FABP1: variants seen among roughly 807,000 people sequenced by gnomAD.
FABP1 encodes the protein fatty acid binding protein 1, also known as fatty acid-binding protein, liver.
A neutral mutation model predicts 13.7 loss-of-function variants in FABP1; 13 were observed. The ratio of observed to expected loss-of-function variants is 0.95; its 90% CI spans 0.62 to 1.51. The LOEUF (loss-of-function observed/expected upper bound fraction) is 1.51, where lower values mean the gene tolerates loss of function less well. Among genes scored for constraint, FABP1 ranks in the 40% most tolerant of loss-of-function variants. The pLI, the probability that FABP1 is intolerant of heterozygous loss-of-function variation, is 0.00. For synonymous variants in FABP1, 48 were observed against 59.8 expected (o/e 0.80, Z 0.91); for missense variants, 140 against 155.7 (o/e 0.90, Z 0.54).
intron 3 of FABP1, 108 bp downstream of exon 3, chr2:88,124,386 T>G (rs368175665): frequency 2.8e-6 from 2 of 721,990 alleles, no homozygotes; most frequent in Non-Finnish European, 4.7e-6. Context: ...AGTTTGGGGG[T>G]TGGAGGGTGG....
chr2:88,124,964 T>C (rs1223378675), intron 2 of FABP1, among the ~76,000 whole-genome samples: 2 of 136,046 alleles, frequency 1.5e-5, no homozygotes, highest in African/African-American at 5.5e-5. Context: ...TGCTTTGGTA[T>C]GTATTCTTCT....
intron 1 of FABP1, among the ~76,000 whole-genome samples, chr2:88,126,959 T>G (rs2104037851): frequency 6.6e-6 from 1 of 152,208 alleles, no homozygotes; most frequent in African/African-American, 2.4e-5. Flanking sequence ...GGGTGGACAG[T>G]GAGCACAGAG....
intron 3 of FABP1, chr2:88,123,704 G>C (rs537568949): frequency 6.6e-6 from 1 of 152,428 alleles, no homozygotes; most frequent in Non-Finnish European, 1.5e-5. Context: ...CTGCTTGATG[G>C]GTTTGAGCCC....
chr2:88,125,861 T>G (rs1675286603), intron 2 of FABP1: 1 of 240,004 alleles, frequency 4.2e-6, no homozygotes, highest in Admixed American at 5.0e-5. Context: ...GGACTCTTAG[T>G]GCTAGGAGCA....
At chr2:88,126,031 C>A in intron 2 of FABP1, 145 bp downstream of exon 2, 6 of 826,610 alleles carry the variant, frequency 7.3e-6, no homozygotes, top group Non-Finnish European at 3.8e-6. Flanking sequence ...CTAAGAGCTG[C>A]CTTTGTCTCT....
intron 3 of FABP1, chr2:88,123,588 G>A (rs1023404014): frequency 2.0e-5 from 3 of 153,428 alleles, no homozygotes; most frequent in East Asian, 1.9e-4. Context: ...TTTTAAGGAT[G>A]TTTCCTCCAC....
chr2:88,126,198 G>A lies in FABP1; in HGVS notation c.218C>T (p.Thr73Ile). 1 of 1,609,036 alleles carries A rather than the reference G, an allele frequency of 6.2e-7. No homozygotes were observed. Among genetic ancestry groups the A allele is most frequent in the Non-Finnish European group, 8.5e-7 (1 of 1,176,116 alleles). ...TACCTTGACTTTCTCCCCTGTCATT[G>A]TCTCCAGCTCACATTCCTCCCCCAC... ...FTVGEECELE[T>I]MTGEKVKTVV... The change falls in exon 2 of 4, where the codon ACA becomes ATA. Residue 73 changes from threonine to isoleucine, a missense_variant. Coordinates refer to ENST00000295834, the MANE Select transcript of FABP1 (RefSeq NM_001443.3).
intron 1 of FABP1, 26 bp from the exon 2 acceptor site, chr2:88,126,374 A>G: frequency 6.2e-7 from 1 of 1,606,924 alleles, no homozygotes; most frequent in Non-Finnish European, 8.5e-7. Flanking sequence ...TGAGGTTTAG[A>G]TATGGGCAGA....
intron 3 of FABP1, chr2:88,124,145 T>C: frequency 4.5e-6 from 1 of 223,566 alleles, no homozygotes; most frequent in Non-Finnish European, 8.6e-6. Flanking sequence ...ACTGCATAAC[T>C]GGACTGTGCC....
rs1367460039 is a variant in FABP1 at position 88,126,221 on chromosome 2, C to G, written c.195G>C (p.Val65=). ...GSKVIQNEFT[V]GEECELETMT... ...TTGTCTCCAGCTCACATTCCTCCCCCACCGTGAATTCGTTTTGGATCACTT... is the reference window on the plus strand; with the variant it reads ...TTGTCTCCAGCTCACATTCCTCCCCGACCGTGAATTCGTTTTGGATCACTT... The change falls in exon 2 of 4, where the codon GTG becomes GTC. Residue 65 remains valine, a synonymous_variant. Coordinates refer to ENST00000295834, the MANE Select transcript of FABP1 (RefSeq NM_001443.3). The G allele has an allele frequency of 6.2e-7, 1 of 1,612,470 alleles. No individual in the cohort carries two copies. The highest frequency in any genetic ancestry group is 8.5e-7 in the Non-Finnish European group (1 of 1,178,736).
chr2:88,126,122 T>C, intron 2 of FABP1, 54 bp downstream of exon 2: 1 of 1,542,650 alleles, frequency 6.5e-7, no homozygotes, highest in Non-Finnish European at 8.8e-7. Flanking sequence ...AGGAATGAGG[T>C]CCCAGGGCCA....
At chr2:88,123,171 A>G (rs748589620) in intron 3 of FABP1, 67 bp from the exon 4 acceptor site, 1 of 1,354,742 alleles carries the variant, frequency 7.4e-7, no homozygotes, top group Non-Finnish European at 1.0e-6. Flanking sequence ...AAAATTAAGC[A>G]TAAAAAACAA....
chr2:88,123,467 CATGT>C, intron 3 of FABP1: 1 of 234,546 alleles, frequency 4.3e-6, no homozygotes, highest in Non-Finnish European at 8.3e-6. Context: ...ACCAAGGATA[CATGT>C]ACATGGACAC....
chr2:88,123,203 C>A, intron 3 of FABP1, 99 bp from the exon 4 acceptor site: 1 of 936,790 alleles, frequency 1.1e-6, no homozygotes, highest in Non-Finnish European at 1.6e-6. Flanking sequence ...AAAAACAGCA[C>A]CAAATATGTT....
chr2:88,124,297 A>G (rs1545224), intron 3 of FABP1, 197 bp downstream of exon 3: 119,892 of 518,684 alleles, frequency 0.23, 16,974 homozygotes, highest in East Asian at 0.51. Flanking sequence ...AGCAGAAAGG[A>G]TTAGTGATAA....
chr2:88,124,234 CA>C, intron 3 of FABP1: 1 of 435,998 alleles, frequency 2.3e-6, no homozygotes, highest in Non-Finnish European at 4.0e-6. Context: ...ATTTATGAAG[CA>C]CCCTGGGCAT....
chr2:88,127,863 C>G, intron 1 of FABP1, 88 bp downstream of exon 1: 1 of 1,328,090 alleles, frequency 7.5e-7, no homozygotes, highest in East Asian at 2.3e-5. Flanking sequence ...CCCCCCATCT[C>G]AACATTTGGA....
At chr2:88,127,699 A>T (rs1675323943) in intron 1 of FABP1, among the ~76,000 whole-genome samples, 1 of 152,226 alleles carries the variant, frequency 6.6e-6, no homozygotes, top group South Asian at 2.1e-4. Context: ...CACACAACGA[A>T]GTGCCAATGA....
intron 2 of FABP1, among the ~76,000 whole-genome samples, chr2:88,125,159 T>C (rs537058788): frequency 6.6e-6 from 1 of 152,118 alleles, no homozygotes; most frequent in African/African-American, 2.4e-5. Context: ...TGTGGCCTCC[T>C]TCCAAGCCCT....
Sources: gnomAD v4.1 joint callset for allele counts (sites outside exome capture counted in the v4.1 genomes callset) on GRCh38, gnomAD v4.1.1 for gene constraint, MANE v1.5 for transcripts, NCBI Gene and HGNC (gene_info 2026-07-23, HGNC 2026-07-21) for gene names.